Variants in PAK6 observed in about 807,000 individuals in gnomAD.
The protein encoded by PAK6 is serine/threonine-protein kinase PAK 6.
PAK6 carries 33 observed loss-of-function variants against 60.8 expected under a neutral mutation model. The ratio of observed to expected loss-of-function variants is 0.54; its 90% CI spans 0.41 to 0.73. The LOEUF (loss-of-function observed/expected upper bound fraction) is 0.73. Ranked by LOEUF, PAK6 falls within the 30% of genes least tolerant of loss-of-function variation. The pLI, the probability that PAK6 is intolerant of heterozygous loss-of-function variation, is 0.00. For missense variants in PAK6, 845 were observed against 904.1 expected (o/e 0.93, Z 0.84); for synonymous variants, 404 against 378.5 (o/e 1.07, Z -0.78).
Position 40,270,788 on chromosome 15 carries a change from G to A in PAK6, c.859-1436G>A, listed in dbSNP as rs1421500963. 3.3e-5 allele frequency among the ~76,000 whole-genome samples: 5 copies of A among 152,366 alleles called. No individual in the cohort carries two copies. The East Asian group carries it at 5.8e-4, about 18-fold the overall frequency. On this transcript the variant is annotated intron_variant, in intron 5 of 10. Coordinates refer to ENST00000560346, the Ensembl canonical transcript of PAK6. Reference sequence around the variant, plus strand: ...CACTCGGGTGGGCAGGCAGGTGTGGGGGTGGCAGAAGTCTGCCCCAGCATG... The same window carrying A: ...CACTCGGGTGGGCAGGCAGGTGTGGAGGTGGCAGAAGTCTGCCCCAGCATG...
intron 2 of PAK6, chr15:40,245,916 A>G (rs1427683771): frequency 2.0e-5 from 3 of 152,250 alleles, no homozygotes; most frequent in Non-Finnish European, 4.4e-5. Context: ...GGCCTGACAC[A>G]TTGGGAGGCT....
intron 10 of PAK6, among the ~76,000 whole-genome samples, chr15:40,274,671 C>T (rs1352281882): frequency 6.6e-6 from 1 of 152,272 alleles, no homozygotes; most frequent in Non-Finnish European, 1.5e-5. Context: ...GAGATCCATA[C>T]CATGATTCGA....
intron 5 of PAK6, chr15:40,266,797 C>T (rs527489895): frequency 6.5e-5 from 22 of 340,592 alleles, no homozygotes; most frequent in African/African-American, 3.2e-4. Context: ...AGCAGGAGGC[C>T]GACTTGTGGC....
At chr15:40,274,884 C>T (rs2039406412) in intron 10 of PAK6, among the ~76,000 whole-genome samples, 1 of 152,216 alleles carries the variant, frequency 6.6e-6, no homozygotes, top group Non-Finnish European at 1.5e-5. Flanking sequence ...CTAAGTGGCA[C>T]CGCCATCTGG....
chr15:40,252,461 C>G, intron 2 of PAK6: 1 of 1,361,700 alleles, frequency 7.3e-7, no homozygotes. Context: ...CAGAGGGGCT[C>G]CTGGCCAAGG....
At chr15:40,251,608 G>C (rs1440096097) in intron 2 of PAK6, 2 of 152,558 alleles carry the variant, frequency 1.3e-5, no homozygotes, top group African/African-American at 4.8e-5. Flanking sequence ...TGTGACACTG[G>C]CAGTCACCCA....
chr15:40,256,590 A>G (rs2140963617), intron 3 of PAK6, among the ~76,000 whole-genome samples: 1 of 152,250 alleles, frequency 6.6e-6, no homozygotes, highest in South Asian at 2.1e-4. Context: ...GCCCTTCCCC[A>G]GAGTGTCTTG....
intron 3 of PAK6, among the ~76,000 whole-genome samples, chr15:40,261,561 C>T (rs1202376480): frequency 1.3e-5 from 2 of 151,940 alleles, no homozygotes; most frequent in Non-Finnish European, 2.9e-5. Flanking sequence ...TATATATTGA[C>T]CTTGAATCAG....
At chr15:40,251,744 T>C (rs961291777) in intron 2 of PAK6, 1 of 152,466 alleles carries the variant, frequency 6.6e-6, no homozygotes, top group Non-Finnish European at 1.5e-5. Context: ...AAAGGTCTTC[T>C]CACTTCTTTA....
chr15:40,247,718 T>C (rs1001131102), intron 2 of PAK6, among the ~76,000 whole-genome samples: 3 of 152,096 alleles, frequency 2.0e-5, no homozygotes, highest in African/African-American at 7.2e-5. Context: ...CATGGACTTT[T>C]CCAAAACACC....
intron 3 of PAK6, chr15:40,260,014 T>G (rs2140970228): frequency 6.6e-6 from 1 of 152,230 alleles, no homozygotes; most frequent in Non-Finnish European, 1.5e-5. Flanking sequence ...CCCCTACCCC[T>G]AATCTATATC....
intron 10 of PAK6, 81 bp downstream of exon 10, chr15:40,274,357 C>T: frequency 1.4e-6 from 2 of 1,411,250 alleles, no homozygotes; most frequent in Admixed American, 2.3e-5. Flanking sequence ...CTCCCAGCAT[C>T]TCCCTTCCAC....
chr15:40,240,562 CTTT>C (rs10624794), intron 1 of PAK6, 34 bp from the exon 2 acceptor site: 77 of 321,340 alleles, frequency 2.4e-4, no homozygotes, highest in East Asian at 2.9e-4. Context: ...TTTTCTTTTC[CTTT>C]TTTTTTTTTT....
intron 4 of PAK6, among the ~76,000 whole-genome samples, 175 bp downstream of exon 4, chr15:40,265,164 G>A (rs1438528144): frequency 2.0e-5 from 3 of 152,254 alleles, no homozygotes; most frequent in African/African-American, 4.8e-5. Context: ...AAGCCAGGGC[G>A]AAGGAGGCTG....
In PAK6 at chr15:40,250,743, A is replaced by G. The variant is rs2038643236; in HGVS notation, c.-117-2435A>G. 2 of 152,266 alleles carry G rather than the reference A, an allele frequency of 1.3e-5. 1 individual carries two copies. Among genetic ancestry groups the G allele is most frequent in the African/African-American group, 4.8e-5 (2 of 41,456 alleles). 9.4% of individuals were successfully genotyped at this position (152,266 alleles called of 1,614,324 possible). ...GCTTGGAGCTGTGATTTGGGTATAT[A>G]AGGCATTTGTAGTCAAAGAAAATAA... On this transcript the variant is annotated intron_variant, in intron 2 of 10. Coordinates refer to ENST00000560346, the Ensembl canonical transcript of PAK6.
At chr15:40,262,134 G>A (rs751539859) in intron 3 of PAK6, among the ~76,000 whole-genome samples, 1 of 152,192 alleles carries the variant, frequency 6.6e-6, no homozygotes, top group South Asian at 2.1e-4. Context: ...ACAGAGCTAG[G>A]GAGGAGGGCG....
chr15:40,251,476 T>C (rs1032186943), intron 2 of PAK6: 3 of 152,398 alleles, frequency 2.0e-5, no homozygotes, highest in African/African-American at 4.8e-5. Context: ...CGTGAGTAGA[T>C]TGATGCGTCT....
exon 6 of PAK6, chr15:40,272,655 C>T (rs760750245): frequency 1.2e-6 from 2 of 1,606,084 alleles, no homozygotes; most frequent in East Asian, 2.2e-5. Flanking sequence ...AGCACTCGGG[C>T]CGCCAGGTGG....
At chr15:40,276,426 C>T (rs2039456352) in exon 11 of PAK6, 1 of 270,162 alleles carries the variant, frequency 3.7e-6, no homozygotes, top group Non-Finnish European at 7.0e-6. Flanking sequence ...TTTTTAAAGG[C>T]AGTTGTCCAC....
Sources: allele counts gnomAD v4.1 joint callset (sites outside exome capture counted in the v4.1 genomes callset), GRCh38; gene constraint gnomAD v4.1.1; transcripts MANE v1.5; gene names NCBI Gene and HGNC (gene_info 2026-07-23, HGNC 2026-07-21).